KALRN: variants seen among roughly 807,000 people sequenced by gnomAD.
The protein encoded by KALRN is kalirin.
KALRN carries 70 observed loss-of-function variants against 353.7 expected under a neutral mutation model. That is an observed-to-expected ratio of 0.20 (90% confidence interval 0.16 to 0.24). The LOEUF (loss-of-function observed/expected upper bound fraction) is 0.24, where lower values mean the gene tolerates loss of function less well. Among genes scored for constraint, KALRN ranks in the 10% least tolerant of loss-of-function variants. The probability of loss-of-function intolerance (pLI) is 1.00; values close to 1 mark genes in which losing one functional copy is unlikely to be tolerated. For missense variants in KALRN, 2,791 were observed against 3,756.7 expected (o/e 0.74, Z 6.72); for synonymous variants, 1,391 against 1,434.8 (o/e 0.97, Z 0.69).
intron 1 of KALRN, among the ~76,000 whole-genome samples, chr3:124,105,890 G>A (rs956921271): frequency 1.3e-5 from 2 of 152,194 alleles, no homozygotes; most frequent in African/African-American, 4.8e-5. Context: ...ACCAGTGATA[G>A]AAGTTTAAAG....
intron 14 of KALRN, among the ~76,000 whole-genome samples, chr3:124,419,059 G>A (rs1051526408): frequency 4.6e-5 from 7 of 151,556 alleles, no homozygotes; most frequent in East Asian, 1.9e-4. Context: ...GCGACACAGC[G>A]AAACTCAGTC....
intron 33 of KALRN, among the ~76,000 whole-genome samples, chr3:124,523,135 G>A (rs956202550): frequency 1.3e-5 from 2 of 152,152 alleles, no homozygotes. Context: ...ACAAAAAGAG[G>A]TTATATGGCC....
chr3:124,441,937 T>C lies in KALRN; in HGVS notation c.3199-8T>C, dbSNP rs747102401. On this transcript the variant is annotated splice_polypyrimidine_tract_variant and splice_region_variant and intron_variant, in intron 18 of 59. Transcript: ENST00000682506. ...GGGACAGGGGCCTCACAGCTTTGTCTTTCGCAGGCCTGCACCCTGGCTCGG... is the reference window on the plus strand; with the variant it reads ...GGGACAGGGGCCTCACAGCTTTGTCCTTCGCAGGCCTGCACCCTGGCTCGG... 6.4e-7 allele frequency: 1 copy of C among 1,550,422 alleles called. No individual in the cohort carries two copies. Among genetic ancestry groups the C allele is most frequent in the Non-Finnish European group, 8.8e-7 (1 of 1,138,590 alleles).
intron 34 of KALRN, among the ~76,000 whole-genome samples, chr3:124,612,577 T>C (rs1461075191): frequency 2.0e-5 from 3 of 152,218 alleles, no homozygotes; most frequent in Non-Finnish European, 4.4e-5. Context: ...CCTCAGGTGA[T>C]CTGCCCGCCT....
chr3:124,076,611 G>C (rs1405173825), intron 1 of KALRN, among the ~76,000 whole-genome samples: 1 of 152,214 alleles, frequency 6.6e-6, no homozygotes, highest in Non-Finnish European at 1.5e-5. Context: ...CAACTCCTGA[G>C]TCTTGCAATG....
chr3:124,054,145 G>T (rs1298393214), intron 1 of KALRN, among the ~76,000 whole-genome samples: 2 of 152,122 alleles, frequency 1.3e-5, no homozygotes, highest in African/African-American at 4.8e-5. Flanking sequence ...GGTAGAGATG[G>T]CTGCATATGA....
At chr3:124,194,767 T>C (rs970872182) in intron 1 of KALRN, among the ~76,000 whole-genome samples, 1 of 152,132 alleles carries the variant, frequency 6.6e-6, no homozygotes, top group African/African-American at 2.4e-5. Flanking sequence ...GTATGCCAGG[T>C]ACTGCCAGAG....
chr3:124,287,944 G>A (rs2076095529), intron 5 of KALRN, among the ~76,000 whole-genome samples: 2 of 150,518 alleles, frequency 1.3e-5, no homozygotes, highest in East Asian at 3.9e-4. Context: ...TGTGATCTCG[G>A]CACACTGCAA....
At chr3:124,546,290 CAAAAAAAAAAAAAA>C (rs5852410) in intron 33 of KALRN, among the ~76,000 whole-genome samples, 11 of 114,674 alleles carry the variant, frequency 9.6e-5, no homozygotes, top group Non-Finnish European at 1.8e-4. Flanking sequence ...CCCCATCTCT[CAAAAAAAAAAAAAA>C]AAAAAAAAAT....
chr3:124,187,695 A>G (rs2074396465), intron 1 of KALRN, among the ~76,000 whole-genome samples: 1 of 152,180 alleles, frequency 6.6e-6, no homozygotes, highest in Non-Finnish European at 1.5e-5. Context: ...TAAATGGATT[A>G]ATTAGAGTGC....
chr3:124,534,294 G>A (rs1052340449), intron 33 of KALRN, among the ~76,000 whole-genome samples: 8 of 152,108 alleles, frequency 5.3e-5, no homozygotes, highest in Non-Finnish European at 2.9e-5. Context: ...AACACCACAT[G>A]TTCTCACTCA....
chr3:124,396,611 T>G (rs1350102691), intron 12 of KALRN, among the ~76,000 whole-genome samples: 1 of 152,246 alleles, frequency 6.6e-6, no homozygotes, highest in Non-Finnish European at 1.5e-5. Context: ...GCTCTAGAAT[T>G]TTGTGATGGC....
At chr3:124,416,711 G>A (rs921685273) in intron 14 of KALRN, among the ~76,000 whole-genome samples, 2 of 152,266 alleles carry the variant, frequency 1.3e-5, no homozygotes, top group African/African-American at 4.8e-5. Flanking sequence ...GTGAGCCCAG[G>A]TGGGCCTTAT....
At chr3:124,606,252 G>A (rs549212644) in intron 34 of KALRN, among the ~76,000 whole-genome samples, 45 of 152,268 alleles carry the variant, frequency 3.0e-4, no homozygotes, top group African/African-American at 1.0e-3. Context: ...CTCATTTGGG[G>A]CATTCCTTTG....
chr3:124,048,375 T>C (rs943784241), intron 1 of KALRN, among the ~76,000 whole-genome samples: 1 of 150,690 alleles, frequency 6.6e-6, no homozygotes, highest in Non-Finnish European at 1.5e-5. Flanking sequence ...AATGGATAGC[T>C]TTTTTTCATT....
intron 14 of KALRN, among the ~76,000 whole-genome samples, chr3:124,415,228 C>T (rs146645486): frequency 3.0e-4 from 46 of 152,302 alleles, no homozygotes; most frequent in African/African-American, 1.0e-3. Context: ...ATGACAGTGC[C>T]CAGGCCCCAT....
chr3:124,298,841 G>A lies in KALRN; in HGVS notation c.1020G>A (p.Thr340=), dbSNP rs746433667. 16 of 1,614,018 alleles carry A rather than the reference G, an allele frequency of 9.9e-6. No individual in the cohort carries two copies. The highest frequency in any genetic ancestry group is 6.6e-5 in the South Asian group (6 of 91,090). The change falls in exon 6 of 60, where the codon ACG becomes ACA. Residue 340 remains threonine, a synonymous_variant. Coordinates refer to ENST00000682506, the MANE Select transcript of KALRN (RefSeq NM_001388419.1). ...HNKELFLQSH[T]EIGVSYQYAL... ...AGGAGTTATTCCTCCAGAGCCACACGGAGATCGGAGTCAGCTACCAGTACG... is the reference window on the plus strand; with the variant it reads ...AGGAGTTATTCCTCCAGAGCCACACAGAGATCGGAGTCAGCTACCAGTACG...
intron 33 of KALRN, among the ~76,000 whole-genome samples, chr3:124,537,835 T>C (rs1360036660): frequency 6.6e-6 from 1 of 152,106 alleles, no homozygotes; most frequent in Non-Finnish European, 1.5e-5. Flanking sequence ...AGTAGAGGAA[T>C]AGGAGAAGAA....
chr3:124,593,053 G>A (rs926756693), intron 34 of KALRN, among the ~76,000 whole-genome samples: 2 of 152,198 alleles, frequency 1.3e-5, no homozygotes, highest in African/African-American at 4.8e-5. Flanking sequence ...CGCAGGATTA[G>A]TTGTGGGCTT....
Sources: allele counts gnomAD v4.1 joint callset (sites outside exome capture counted in the v4.1 genomes callset), GRCh38; gene constraint gnomAD v4.1.1; transcripts MANE v1.5; gene names NCBI Gene and HGNC (gene_info 2026-07-23, HGNC 2026-07-21).